CHODL: variants seen among roughly 807,000 people sequenced by gnomAD.
The protein encoded by CHODL is transmembrane protein MT75.
A neutral mutation model predicts 34.5 loss-of-function variants in CHODL; 29 were observed. That is an observed-to-expected ratio of 0.84 (90% confidence interval 0.63 to 1.15). CHODL has a LOEUF of 1.15. Ranked by LOEUF, CHODL falls within the 50% of genes most tolerant of loss-of-function variation. The probability of loss-of-function intolerance (pLI) is 0.00; values close to 1 mark genes in which losing one functional copy is unlikely to be tolerated. For synonymous variants in CHODL, 125 were observed against 116.1 expected, an observed-to-expected ratio of 1.08 and a Z score of -0.49; for missense variants, 332 against 332.5, an observed-to-expected ratio of 1.00 and a Z score of 0.01.
At chr21:18,239,882 C>T (rs1328474052), upstream of CHODL, among the ~76,000 whole-genome samples, 1 of 151,556 alleles carries the variant, frequency 6.6e-6, no homozygotes, top group African/African-American at 2.4e-5. Flanking sequence ...AGGATATAGC[C>T]ATTTATTATA....
intron 2 of CHODL, among the ~76,000 whole-genome samples, chr21:18,180,000 A>G (rs1286505124): frequency 3.3e-5 from 5 of 152,184 alleles, no homozygotes; most frequent in Non-Finnish European, 7.3e-5. Context: ...ATTCTGCTTC[A>G]TATTTCACAT....
intron 2 of CHODL, among the ~76,000 whole-genome samples, chr21:18,055,322 A>T (rs1033176475): frequency 6.6e-6 from 1 of 152,020 alleles, no homozygotes; most frequent in East Asian, 1.9e-4. Context: ...CTCTTCCTCA[A>T]TTGTGTTTCC....
Position 18,256,492 on chromosome 21 carries a change from CT to C in CHODL, c.80-4del, listed in dbSNP as rs200762308. ...GTTCCGATTATCAATATATGGGCATCTTTTTTTTTTTTTCAGGCCAAAAGGT... is the reference window on the plus strand; with the variant it reads ...GTTCCGATTATCAATATATGGGCATCTTTTTTTTTTTTCAGGCCAAAAGGT... On this transcript the variant is annotated splice_polypyrimidine_tract_variant and intron_variant, in intron 1 of 5. Transcript: ENST00000299295. 126,286 of 1,124,504 alleles carry C rather than the reference CT, an allele frequency of 0.11. No individual in the cohort carries two copies. The highest frequency in any genetic ancestry group is 0.15 in the South Asian group (9,899 of 65,708). 69.7% of individuals were successfully genotyped at this position (1,124,504 alleles called of 1,614,324 possible). A position where few individuals can be genotyped will look rare whatever the true frequency, so the allele number is the denominator to read the frequency against.
intron 2 of CHODL, among the ~76,000 whole-genome samples, chr21:18,029,063 T>C (rs1470920027): frequency 6.6e-6 from 1 of 152,198 alleles, no homozygotes; most frequent in African/African-American, 2.4e-5. Flanking sequence ...TTCTTTAATT[T>C]CTTAGAGTTC....
At chr21:18,031,625 C>G (rs111562409) in intron 2 of CHODL, among the ~76,000 whole-genome samples, 43 of 152,112 alleles carry the variant, frequency 2.8e-4, no homozygotes, top group African/African-American at 9.6e-4. Context: ...CTATTAAATG[C>G]TACAGGTATA....
chr21:18,189,009 A>C (rs2824697), intron 2 of CHODL, among the ~76,000 whole-genome samples: 29,522 of 152,132 alleles, frequency 0.19, 3,681 homozygotes, highest in African/African-American at 0.35. Flanking sequence ...ATAAGGTTGC[A>C]ATAGCCCTTG....
intron 1 of CHODL, among the ~76,000 whole-genome samples, chr21:17,927,126 A>ATATATGTATATATATGTATATATG (rs1418947136): frequency 0.022 from 2,517 of 113,304 alleles, 149 homozygotes; most frequent in African/African-American, 0.093. Flanking sequence ...GTATATATGT[A>ATATATGTATATATATGTATATATG]TATATATGTA....
chr21:17,938,620 A>G (rs2063338169), intron 1 of CHODL, among the ~76,000 whole-genome samples: 1 of 151,346 alleles, frequency 6.6e-6, no homozygotes, highest in African/African-American at 2.4e-5. Flanking sequence ...CTGGGACTAC[A>G]GGCGCCCGCC....
intron 1 of CHODL, among the ~76,000 whole-genome samples, chr21:18,027,468 A>G (rs2146433606): frequency 6.6e-6 from 1 of 152,310 alleles, no homozygotes; most frequent in East Asian, 1.9e-4. Flanking sequence ...GTAGTTACAC[A>G]GAAGAATCAC....
intron 2 of CHODL, among the ~76,000 whole-genome samples, chr21:18,172,570 CAT>C (rs370809371): frequency 8.1e-5 from 12 of 149,058 alleles, no homozygotes; most frequent in African/African-American, 2.4e-4. Context: ...CAGATTCAGC[CAT>C]TTTTTTTTTA....
chr21:18,085,905 A>C (rs539826168), intron 2 of CHODL, among the ~76,000 whole-genome samples: 13 of 152,236 alleles, frequency 8.5e-5, no homozygotes, highest in African/African-American at 3.1e-4. Flanking sequence ...CTCTCTTGCA[A>C]GACATGGGAA....
chr21:17,951,667 AT>A (rs1040663800), intron 1 of CHODL, among the ~76,000 whole-genome samples: 5 of 152,356 alleles, frequency 3.3e-5, no homozygotes, highest in African/African-American at 1.2e-4. Flanking sequence ...TTGAAATCTA[AT>A]TTGGAACTGA....
At chr21:18,059,427 G>T (rs1218263087) in intron 2 of CHODL, among the ~76,000 whole-genome samples, 2 of 151,880 alleles carry the variant, frequency 1.3e-5, no homozygotes, top group Non-Finnish European at 2.9e-5. Flanking sequence ...CCTTTATTCA[G>T]ATGTCAGCTT....
intron 1 of CHODL, among the ~76,000 whole-genome samples, chr21:17,999,709 C>A (rs1405073135): frequency 6.6e-6 from 1 of 152,088 alleles, no homozygotes; most frequent in Non-Finnish European, 1.5e-5. Context: ...GAAAGACCAG[C>A]CCCCATATTC....
intron 1 of CHODL, among the ~76,000 whole-genome samples, chr21:17,926,991 C>T (rs1250697787): frequency 2.0e-5 from 3 of 150,948 alleles, no homozygotes; most frequent in Admixed American, 2.0e-4. Context: ...CACACACACA[C>T]ACGCACACAC....
At chr21:18,050,057 C>G (rs549112857) in intron 2 of CHODL, among the ~76,000 whole-genome samples, 16 of 151,932 alleles carry the variant, frequency 1.1e-4, no homozygotes, top group African/African-American at 3.9e-4. Flanking sequence ...GAGGTAATTG[C>G]AGATGGTGAT....
intron 1 of CHODL, among the ~76,000 whole-genome samples, chr21:18,246,939 AC>A (rs2074148654): frequency 2.0e-5 from 3 of 152,270 alleles, no homozygotes; most frequent in Non-Finnish European, 4.4e-5. Context: ...AATTAACTGA[AC>A]ATGATCTATT....
chr21:18,060,725 A>C (rs187065157), intron 2 of CHODL, among the ~76,000 whole-genome samples: 49 of 151,424 alleles, frequency 3.2e-4, no homozygotes, highest in East Asian at 2.7e-3. Context: ...AAAAAAAAAG[A>C]AAGCAAGCAG....
At chr21:18,260,157 T>C in intron 3 of CHODL, 43 bp from the exon 4 acceptor site, 1 of 867,868 alleles carries the variant, frequency 1.2e-6, no homozygotes, top group Non-Finnish European at 1.7e-6. Context: ...TTCAATTCTC[T>C]TGTTTAATCA....
Sources: allele counts gnomAD v4.1 joint callset (sites outside exome capture counted in the v4.1 genomes callset), GRCh38; gene constraint gnomAD v4.1.1; transcripts MANE v1.5; gene names NCBI Gene and HGNC (gene_info 2026-07-23, HGNC 2026-07-21).